FAAH2: variants seen among roughly 807,000 people sequenced by gnomAD.
The protein encoded by FAAH2 is fatty-acid amide hydrolase 2.
FAAH2 carries 60 observed loss-of-function variants against 36.9 expected under a neutral mutation model. That is an observed-to-expected ratio of 1.63 (90% confidence interval 1.32 to 2.02). The LOEUF (loss-of-function observed/expected upper bound fraction) is 2.02, where lower values mean the gene tolerates loss of function less well. Among genes scored for constraint, FAAH2 ranks in the 30% most tolerant of loss-of-function variants. FAAH2 has a pLI of 0.00. For synonymous variants in FAAH2, 214 were observed against 143.8 expected, an observed-to-expected ratio of 1.49 and a Z score of -3.49; for missense variants, 689 against 397.5, an observed-to-expected ratio of 1.73 and a Z score of -6.23.
the FAAH2 span, among the ~76,000 whole-genome samples, chrX:57,228,611 C>A: frequency 9.0e-6 from 1 of 111,229 alleles, no homozygotes; most frequent in Non-Finnish European, 1.9e-5. Flanking sequence ...ACAATGCAAG[C>A]CTCCGTATGC....
chrX:57,316,313 T>C (rs1431564850), intron 3 of FAAH2, among the ~76,000 whole-genome samples: 2 of 111,870 alleles, frequency 1.8e-5, no homozygotes, highest in Non-Finnish European at 1.9e-5. Flanking sequence ...AAAAACAGTT[T>C]ACAGATTTAA....
intron 10 of FAAH2, among the ~76,000 whole-genome samples, chrX:57,468,689 G>A (rs2057098357): frequency 8.9e-6 from 1 of 111,848 alleles, no homozygotes; most frequent in African/African-American, 3.3e-5. Context: ...ATATTATCCA[G>A]GAGAACTTCC....
At chrX:57,403,419 G>A (rs1231973405) in intron 7 of FAAH2, among the ~76,000 whole-genome samples, 2 of 112,655 alleles carry the variant, frequency 1.8e-5, no homozygotes, top group East Asian at 5.6e-4. Context: ...GATTCTAGTG[G>A]TCCTTTACCA....
At chrX:57,354,988 G>A (rs894446742) in intron 5 of FAAH2, among the ~76,000 whole-genome samples, 20 of 110,835 alleles carry the variant, frequency 1.8e-4, no homozygotes, top group African/African-American at 4.9e-4. Context: ...AGGAATTTGC[G>A]TTCATTTTCT....
chrX:57,141,785 CT>C, the FAAH2 span, among the ~76,000 whole-genome samples: 1 of 109,635 alleles, frequency 9.1e-6, no homozygotes, highest in Non-Finnish European at 1.9e-5. Flanking sequence ...TTTTCTTTTT[CT>C]TTTTTTTAAA....
the FAAH2 span, among the ~76,000 whole-genome samples, chrX:57,248,477 G>T: frequency 9.0e-6 from 1 of 111,336 alleles, no homozygotes; most frequent in Admixed American, 9.5e-5. Context: ...ATGTGGGCCA[G>T]GCATGGTGGC....
At chrX:57,328,232 G>A (rs1341683510) in intron 3 of FAAH2, among the ~76,000 whole-genome samples, 1 of 111,439 alleles carries the variant, frequency 9.0e-6, no homozygotes, top group Non-Finnish European at 1.9e-5. Context: ...GGCCGTGTGA[G>A]GTGTCAGTCT....
chrX:57,212,901 C>T, the FAAH2 span, among the ~76,000 whole-genome samples: 2 of 111,445 alleles, frequency 1.8e-5, no homozygotes, highest in African/African-American at 6.5e-5. Context: ...AGGGTTGGTA[C>T]CAGTTATTTC....
At chrX:57,151,381 G>T in the FAAH2 span, among the ~76,000 whole-genome samples, 2 of 111,362 alleles carry the variant, frequency 1.8e-5, no homozygotes, top group African/African-American at 6.5e-5. Context: ...CATTCTCCCC[G>T]TCACTTTCAG....
the FAAH2 span, among the ~76,000 whole-genome samples, chrX:57,151,350 G>T: frequency 2.7e-5 from 3 of 112,096 alleles, no homozygotes; most frequent in Non-Finnish European, 5.6e-5. Context: ...ATATCCTGCA[G>T]AGTGTTTTCC....
chrX:57,390,021 C>A (rs761300069), intron 7 of FAAH2, among the ~76,000 whole-genome samples: 4 of 109,988 alleles, frequency 3.6e-5, no homozygotes, highest in Middle Eastern at 4.8e-3. Context: ...AGGTTGTTTG[C>A]CAATTTTTCA....
chrX:57,386,180 G>T (rs2055018787), intron 7 of FAAH2, among the ~76,000 whole-genome samples: 1 of 111,077 alleles, frequency 9.0e-6, no homozygotes, highest in Admixed American at 9.6e-5. Flanking sequence ...ATATCTAAAT[G>T]AAAGAAATCA....
At chrX:57,246,545 G>A in the FAAH2 span, among the ~76,000 whole-genome samples, 1 of 111,693 alleles carries the variant, frequency 9.0e-6, no homozygotes, top group Non-Finnish European at 1.9e-5. Context: ...CTTCATCCCT[G>A]GGATGCAAGG....
chrX:57,329,767 G>A (rs6611613), intron 3 of FAAH2, among the ~76,000 whole-genome samples: 59,618 of 109,828 alleles, frequency 0.54, 14,366 homozygotes, highest in Non-Finnish European at 0.75. Context: ...CCCAAACAGA[G>A]GGACCAGCTG....
At chrX:57,380,673 A>T in intron 6 of FAAH2, among the ~76,000 whole-genome samples, 1 of 112,113 alleles carries the variant, frequency 8.9e-6, no homozygotes, top group Non-Finnish European at 1.9e-5. Flanking sequence ...ACTACCACCA[A>T]AACATTTTGA....
chrX:57,384,987 G>A (rs1346009985), intron 7 of FAAH2, among the ~76,000 whole-genome samples: 1 of 111,309 alleles, frequency 9.0e-6, no homozygotes, highest in Non-Finnish European at 1.9e-5. Flanking sequence ...GTAGGGACAT[G>A]GATGAAGCTG....
At chrX:57,140,988 G>A in the FAAH2 span, among the ~76,000 whole-genome samples, 1 of 111,685 alleles carries the variant, frequency 9.0e-6, no homozygotes, top group African/African-American at 3.3e-5. Context: ...TTTTGTGTGT[G>A]GTAAAAGCAG....
intron 4 of FAAH2, among the ~76,000 whole-genome samples, chrX:57,336,480 T>G (rs902728573): frequency 9.0e-6 from 1 of 111,266 alleles, no homozygotes; most frequent in Non-Finnish European, 1.9e-5. Context: ...ATGGAGTCTC[T>G]TATGTCTACT....
chrX:57,407,044 T>G (rs750188160), intron 7 of FAAH2, among the ~76,000 whole-genome samples: 1 of 112,095 alleles, frequency 8.9e-6, no homozygotes, highest in East Asian at 2.8e-4. Flanking sequence ...GCATTGTACC[T>G]GTGTTTCCTT....
Sources: gnomAD v4.1 joint callset for allele counts (sites outside exome capture counted in the v4.1 genomes callset) on GRCh38, gnomAD v4.1.1 for gene constraint, MANE v1.5 for transcripts, NCBI Gene and HGNC (gene_info 2026-07-23, HGNC 2026-07-21) for gene names.